RSRC1: variants seen among roughly 807,000 people sequenced by gnomAD.
RSRC1 encodes the protein arginine and serine rich coiled-coil 1, also known as serine/Arginine-related protein 53.
RSRC1 carries 39 observed loss-of-function variants against 49.1 expected under a neutral mutation model. The ratio of observed to expected loss-of-function variants is 0.79; its 90% CI spans 0.61 to 1.04. The LOEUF (loss-of-function observed/expected upper bound fraction) is 1.04, where lower values mean the gene tolerates loss of function less well. Ranked by LOEUF, RSRC1 falls within the 50% of genes least tolerant of loss-of-function variation. RSRC1 has a pLI of 0.00. For missense variants in RSRC1, 388 were observed against 402.4 expected, an observed-to-expected ratio of 0.96 and a Z score of 0.31; for synonymous variants, 143 against 130.8, an observed-to-expected ratio of 1.09 and a Z score of -0.63.
chr3:158,360,453 CTCTGCCCAGGAGACCT>C (rs1489039285), intron 6 of RSRC1, among the ~76,000 whole-genome samples: 1 of 152,214 alleles, frequency 6.6e-6, no homozygotes, highest in African/African-American at 2.4e-5. Flanking sequence ...ACCTGTCCCC[CTCTGCCCAGGAGACCT>C]TCTGCCTCCT....
chr3:158,234,253 G>C (rs1230366782), intron 4 of RSRC1, among the ~76,000 whole-genome samples: 1 of 152,104 alleles, frequency 6.6e-6, no homozygotes, highest in Non-Finnish European at 1.5e-5. Flanking sequence ...ATTATATTGT[G>C]GCTTGTTTGA....
intron 6 of RSRC1, among the ~76,000 whole-genome samples, chr3:158,363,073 G>T (rs964933043): frequency 2.6e-5 from 4 of 151,940 alleles, no homozygotes; most frequent in African/African-American, 9.7e-5. Flanking sequence ...ACAACCTTTG[G>T]ATTGTACCTT....
At chr3:158,473,965 TATAGTTAATGTAAATTTAC>T (rs1487839844) in intron 7 of RSRC1, among the ~76,000 whole-genome samples, 1 of 152,322 alleles carries the variant, frequency 6.6e-6, no homozygotes, top group Admixed American at 6.5e-5. Context: ...CTATTAAGTC[TATAGTTAATGTAAATTTAC>T]AGGTTTTGTA....
chr3:158,235,081 A>G lies in RSRC1; in HGVS notation c.494+31836A>G, dbSNP rs28646251. ...GGGGAATTATGTTTAAATCAAACAT[A>G]ATATAATAGCCACCACCCAGTAGTA... On this transcript the variant is annotated intron_variant, in intron 4 of 9. Coordinates refer to ENST00000611884, the MANE Select transcript of RSRC1 (RefSeq NM_001271838.2). 7.7e-3 allele frequency among the ~76,000 whole-genome samples: 1,179 copies of G among 152,292 alleles called. 9 individuals are homozygous for G. The highest frequency in any genetic ancestry group is 0.028 in the African/African-American group (1,146 of 41,560).
intron 6 of RSRC1, among the ~76,000 whole-genome samples, chr3:158,447,095 A>G (rs1736760654): frequency 6.6e-6 from 1 of 152,070 alleles, no homozygotes; most frequent in African/African-American, 2.4e-5. Flanking sequence ...CATTTAAAAC[A>G]TGCTTTTAAC....
intron 4 of RSRC1, among the ~76,000 whole-genome samples, chr3:158,247,421 G>A (rs1723964608): frequency 6.6e-6 from 1 of 152,168 alleles, no homozygotes. Flanking sequence ...GAGAAATGCT[G>A]TGGTCATTTG....
At chr3:158,406,834 G>A (rs764389690) in intron 6 of RSRC1, among the ~76,000 whole-genome samples, 9 of 152,042 alleles carry the variant, frequency 5.9e-5, no homozygotes, top group African/African-American at 1.9e-4. Context: ...TTCCCATAAT[G>A]CCATTGATCA....
chr3:158,317,967 A>C (rs1292537745), intron 5 of RSRC1, among the ~76,000 whole-genome samples: 1 of 152,178 alleles, frequency 6.6e-6, no homozygotes, highest in East Asian at 1.9e-4. Flanking sequence ...GAACAGCTTT[A>C]AATGTGGCCC....
intron 3 of RSRC1, among the ~76,000 whole-genome samples, chr3:158,152,272 G>A (rs772374219): frequency 2.0e-5 from 3 of 152,026 alleles, no homozygotes; most frequent in East Asian, 1.9e-4. Context: ...TGTCTGTGCC[G>A]TATTGATTTT....
intron 3 of RSRC1, among the ~76,000 whole-genome samples, chr3:158,190,643 G>A (rs1279986920): frequency 7.3e-6 from 1 of 136,280 alleles, no homozygotes; most frequent in Non-Finnish European, 1.6e-5. Flanking sequence ...TTTTTTGCTT[G>A]TTTCTTTATA....
chr3:158,284,358 T>C (rs1289579219), intron 4 of RSRC1, among the ~76,000 whole-genome samples: 1 of 148,046 alleles, frequency 6.8e-6, no homozygotes, highest in Non-Finnish European at 1.5e-5. Flanking sequence ...AACATATGTG[T>C]GCATGTGTCT....
chr3:158,466,377 G>A (rs553164841), intron 7 of RSRC1, among the ~76,000 whole-genome samples: 49 of 152,248 alleles, frequency 3.2e-4, no homozygotes, highest in Admixed American at 7.2e-4. Flanking sequence ...ACTGGCTATC[G>A]TGTGTTTCCT....
intron 7 of RSRC1, among the ~76,000 whole-genome samples, chr3:158,475,027 GC>G (rs1560058412): frequency 6.6e-6 from 1 of 152,072 alleles, no homozygotes; most frequent in Non-Finnish European, 1.5e-5. Context: ...ACATCCTCCT[GC>G]TTCAGCCTCT....
At chr3:158,168,175 C>A (rs1469715855) in intron 3 of RSRC1, among the ~76,000 whole-genome samples, 5 of 152,152 alleles carry the variant, frequency 3.3e-5, no homozygotes, top group Non-Finnish European at 7.4e-5. Flanking sequence ...CCTCATCCCC[C>A]GCTCTCCACT....
intron 7 of RSRC1, among the ~76,000 whole-genome samples, chr3:158,515,994 A>C: frequency 6.6e-6 from 1 of 151,512 alleles, no homozygotes; most frequent in Non-Finnish European, 1.5e-5. Flanking sequence ...CTAGTTATAC[A>C]TTCTTCTAAA....
In RSRC1 at chr3:158,249,707, A is replaced by T. The variant is rs367784523; in HGVS notation, c.494+46462A>T. On this transcript the variant is annotated intron_variant, in intron 4 of 9. Transcript: ENST00000611884. ...TTTTTATTTTTTTGGGGCACGTAGTAGGTTTATATATTAATGGAGTACATG... is the reference window on the plus strand; with the variant it reads ...TTTTTATTTTTTTGGGGCACGTAGTTGGTTTATATATTAATGGAGTACATG... Among the ~76,000 whole-genome samples the T allele has an allele frequency of 7.2e-5, 11 of 152,142 alleles. No individual in the cohort carries two copies. In the South Asian group the frequency reaches 1.0e-3, roughly 14 times the overall value.
At chr3:158,337,483 A>G (rs1297884423) in intron 5 of RSRC1, among the ~76,000 whole-genome samples, 3 of 152,220 alleles carry the variant, frequency 2.0e-5, no homozygotes, top group African/African-American at 7.2e-5. Context: ...CTGAGCTTCC[A>G]TCTCTTTACA....
At chr3:158,403,582 G>A (rs2108311766) in intron 6 of RSRC1, among the ~76,000 whole-genome samples, 1 of 151,746 alleles carries the variant, frequency 6.6e-6, no homozygotes, top group Non-Finnish European at 1.5e-5. Context: ...TCTGTTTTTA[G>A]GAAATATACC....
At chr3:158,485,198 A>T (rs1190312572) in intron 7 of RSRC1, among the ~76,000 whole-genome samples, 1 of 152,052 alleles carries the variant, frequency 6.6e-6, no homozygotes, top group Non-Finnish European at 1.5e-5. Context: ...TTGTTTACTA[A>T]AAAGTCCACT....
Sources: gnomAD v4.1 joint callset for allele counts (sites outside exome capture counted in the v4.1 genomes callset) on GRCh38, gnomAD v4.1.1 for gene constraint, MANE v1.5 for transcripts, NCBI Gene and HGNC (gene_info 2026-07-23, HGNC 2026-07-21) for gene names.